Variants in EPHA5 observed in about 807,000 individuals in gnomAD.
The protein encoded by EPHA5 is ephrin type-A receptor 5.
A neutral mutation model predicts 105.0 loss-of-function variants in EPHA5; 60 were observed. That is an observed-to-expected ratio of 0.57 (90% CI 0.46 to 0.71). The LOEUF is 0.71. Ranked by LOEUF, EPHA5 falls within the 30% of genes least tolerant of loss-of-function variation. The pLI, the probability that EPHA5 is intolerant of heterozygous loss-of-function variation, is 0.00. For synonymous variants in EPHA5, 513 were observed against 449.1 expected (o/e 1.14, Z -1.80); for missense variants, 1,218 against 1,274.7 (o/e 0.96, Z 0.68).
In EPHA5 at chr4:65,420,572, A is replaced by C. The variant is rs753587451; in HGVS notation, c.1403-7T>G. The C allele has an allele frequency of 3.1e-6, 5 of 1,611,652 alleles. No individual in the cohort carries two copies. On this transcript the variant is annotated splice_polypyrimidine_tract_variant and splice_region_variant and intron_variant, in intron 5 of 16. Coordinates refer to ENST00000613740, the MANE Select transcript of EPHA5 (RefSeq NM_001281766.3). The stretch of plus-strand genomic sequence containing the variant: ...TTGGTGACTGGAGATGGAGCTGCAA[A>C]ATAGTTTAAATAAGGAGCAGTATGA...
At chr4:65,351,647 G>A (rs1427258611) in intron 12 of EPHA5, 49 bp from the exon 13 acceptor site, 22 of 1,544,986 alleles carry the variant, frequency 1.4e-5, no homozygotes, top group Admixed American at 3.4e-5. Context: ...AATCACTGGG[G>A]GAAAATATGA....
At chr4:65,493,620 T>C (rs771542578) in intron 4 of EPHA5, among the ~76,000 whole-genome samples, 18 of 152,176 alleles carry the variant, frequency 1.2e-4, no homozygotes, top group Non-Finnish European at 1.9e-4. Context: ...ATTTTACTTT[T>C]AGAAATGCAT....
At chr4:65,592,368 T>C (rs570050665) in intron 3 of EPHA5, among the ~76,000 whole-genome samples, 91 of 152,044 alleles carry the variant, frequency 6.0e-4, no homozygotes, top group African/African-American at 2.1e-3. Context: ...TGAGGCAGGC[T>C]CTGGGAAACA....
At chr4:65,608,879 T>C (rs34172096) in intron 2 of EPHA5, among the ~76,000 whole-genome samples, 46,585 of 152,044 alleles carry the variant, frequency 0.31, 7,293 homozygotes, top group Non-Finnish European at 0.33. Flanking sequence ...TAAATTATTT[T>C]TTCTCTTTTT....
intron 5 of EPHA5, among the ~76,000 whole-genome samples, chr4:65,477,883 G>A (rs1426401896): frequency 6.6e-6 from 1 of 152,134 alleles, no homozygotes; most frequent in African/African-American, 2.4e-5. Context: ...TAGATAGAAG[G>A]GAGAAAGAGA....
chr4:65,383,729 A>G (rs1369158344), intron 8 of EPHA5, among the ~76,000 whole-genome samples: 3 of 151,816 alleles, frequency 2.0e-5, no homozygotes, highest in African/African-American at 7.3e-5. Flanking sequence ...ATTATAAATC[A>G]GTGACTCAGA....
intron 8 of EPHA5, among the ~76,000 whole-genome samples, chr4:65,389,778 T>C (rs1251291003): frequency 1.3e-5 from 2 of 151,968 alleles, no homozygotes; most frequent in Non-Finnish European, 2.9e-5. Context: ...GTGAGGTACA[T>C]GGGACTATTT....
At chr4:65,391,477 T>C (rs1475133618) in intron 8 of EPHA5, among the ~76,000 whole-genome samples, 1 of 152,142 alleles carries the variant, frequency 6.6e-6, no homozygotes, top group Non-Finnish European at 1.5e-5. Flanking sequence ...TCTGAGACAC[T>C]TTGATTCATT....
intron 4 of EPHA5, among the ~76,000 whole-genome samples, chr4:65,491,257 C>G (rs1042808868): frequency 6.0e-5 from 9 of 149,902 alleles, no homozygotes; most frequent in African/African-American, 4.9e-5. Flanking sequence ...GAATTTGAAA[C>G]CCCCTACTGT....
chr4:65,386,560 T>G (rs898623669), intron 8 of EPHA5, among the ~76,000 whole-genome samples: 1 of 151,912 alleles, frequency 6.6e-6, no homozygotes, highest in African/African-American at 2.4e-5. Context: ...ACAAAATCTT[T>G]CTCTCAAACA....
chr4:65,441,165 A>T (rs1316021304), intron 5 of EPHA5, among the ~76,000 whole-genome samples: 1 of 152,102 alleles, frequency 6.6e-6, no homozygotes, highest in Non-Finnish European at 1.5e-5. Flanking sequence ...ACTATATTAA[A>T]TTTTTAATAC....
chr4:65,453,937 G>A (rs981452252), intron 5 of EPHA5, among the ~76,000 whole-genome samples: 15 of 149,470 alleles, frequency 1.0e-4, no homozygotes, highest in African/African-American at 3.2e-4. Flanking sequence ...CTTCTGAGAA[G>A]GCAAGAATTG....
At position 65,594,183 on chromosome 4, in the gene EPHA5, C is replaced by A. The variant is rs993266401; in HGVS notation, c.910+7458G>T. 2.6e-5 allele frequency among the ~76,000 whole-genome samples: 4 copies of A among 151,938 alleles called. No individual in the cohort carries two copies. In the South Asian group the frequency reaches 8.3e-4, roughly 31 times the overall value. The stretch of plus-strand genomic sequence containing the variant: ...AAATATATAAAGCTTTTTGTGAGGT[C>A]TTTATAATTAAAATCTTCTCCTGAT... On this transcript the variant is annotated intron_variant, in intron 3 of 16. Transcript: ENST00000613740.
intron 5 of EPHA5, among the ~76,000 whole-genome samples, chr4:65,477,465 T>C (rs1729935426): frequency 6.6e-6 from 1 of 151,994 alleles, no homozygotes; most frequent in African/African-American, 2.4e-5. Flanking sequence ...CAGGCTTGAG[T>C]GCAGTGGCGA....
At chr4:65,635,771 T>C (rs1446673448) in intron 2 of EPHA5, among the ~76,000 whole-genome samples, 3 of 152,128 alleles carry the variant, frequency 2.0e-5, no homozygotes, top group African/African-American at 7.2e-5. Flanking sequence ...AATTAATCAA[T>C]ACAAAATGTT....
intron 12 of EPHA5, 143 bp downstream of exon 12, chr4:65,352,899 G>A (rs1421551477): frequency 3.6e-5 from 14 of 387,624 alleles, no homozygotes; most frequent in Non-Finnish European, 4.7e-6. Context: ...TAATTATTGT[G>A]GCTCCATAAA....
chr4:65,532,123 T>C (rs924497012), intron 3 of EPHA5, among the ~76,000 whole-genome samples: 6 of 152,110 alleles, frequency 3.9e-5, no homozygotes, highest in African/African-American at 1.4e-4. Flanking sequence ...AAACTCAGGG[T>C]TGGTGTAGAA....
intron 3 of EPHA5, among the ~76,000 whole-genome samples, chr4:65,562,439 G>C (rs997128696): frequency 1.3e-5 from 2 of 151,724 alleles, no homozygotes; most frequent in Non-Finnish European, 2.9e-5. Flanking sequence ...TCATGTTTTA[G>C]GGGAAAAAAG....
At chr4:65,526,639 A>C (rs1055839881) in intron 3 of EPHA5, among the ~76,000 whole-genome samples, 2 of 152,010 alleles carry the variant, frequency 1.3e-5, no homozygotes, top group African/African-American at 4.8e-5. Context: ...AAGTATCTAC[A>C]TGAGCTCAAA....
Sources: gnomAD v4.1 joint callset for allele counts (sites outside exome capture counted in the v4.1 genomes callset) on GRCh38, gnomAD v4.1.1 for gene constraint, MANE v1.5 for transcripts, NCBI Gene and HGNC (gene_info 2026-07-23, HGNC 2026-07-21) for gene names.